Variants in LRBA observed in about 807,000 individuals in gnomAD.
LRBA encodes the protein LPS responsive beige-like anchor protein.
LRBA carries 176 observed loss-of-function variants against 330.0 expected under a neutral mutation model. That is an observed-to-expected ratio of 0.53 (90% CI 0.47 to 0.60). The LOEUF (loss-of-function observed/expected upper bound fraction) is 0.60. LRBA is among the 20% of genes least tolerant of loss of function. The pLI is 0.00. For missense variants in LRBA, 3,259 were observed against 3,444.8 expected (o/e 0.95, Z 1.35); for synonymous variants, 1,230 against 1,193.0 (o/e 1.03, Z -0.64).
rs189783354 is a variant in LRBA, at chr4:150,953,385, C to A, written c.217-24320G>T. Among the ~76,000 whole-genome samples the A allele has an allele frequency of 1.6e-3, 242 of 148,140 alleles. 1 individual carries two copies. The highest frequency in any genetic ancestry group is 5.7e-3 in the African/African-American group (226 of 39,766). On this transcript the variant is annotated intron_variant, in intron 2 of 56. Coordinates refer to ENST00000651943, the MANE Select transcript of LRBA (RefSeq NM_001364905.1). ...TCTCCCTCCCCCTCCCCCTCCCCCCCCTCTTTGCACGGTCTCCCTCTGATG... is the reference window on the plus strand; with the variant it reads ...TCTCCCTCCCCCTCCCCCTCCCCCCACTCTTTGCACGGTCTCCCTCTGATG...
At chr4:150,903,257 C>T (rs1480532628) in intron 13 of LRBA, among the ~76,000 whole-genome samples, 1 of 152,026 alleles carries the variant, frequency 6.6e-6, no homozygotes, top group Non-Finnish European at 1.5e-5. Flanking sequence ...TGGTGGCGCA[C>T]ACCTGCAGTA....
At chr4:150,662,413 C>T (rs1312109002) in intron 37 of LRBA, among the ~76,000 whole-genome samples, 1 of 152,166 alleles carries the variant, frequency 6.6e-6, no homozygotes. Context: ...CCAAAGCACA[C>T]CCTTGTTAGG....
At chr4:150,440,122 ATG>A (rs950577536) in intron 44 of LRBA, among the ~76,000 whole-genome samples, 7 of 152,292 alleles carry the variant, frequency 4.6e-5, no homozygotes, top group East Asian at 3.9e-4. Flanking sequence ...TTACTGTACA[ATG>A]TAACAAGCTT....
intron 28 of LRBA, among the ~76,000 whole-genome samples, chr4:150,835,982 C>T (rs1275583636): frequency 1.3e-5 from 2 of 152,106 alleles, no homozygotes; most frequent in Non-Finnish European, 2.9e-5. Context: ...CCCATCAATA[C>T]CTAATTTATA....
chr4:150,598,389 C>A (rs367754745), intron 38 of LRBA, among the ~76,000 whole-genome samples: 12 of 152,062 alleles, frequency 7.9e-5, no homozygotes, highest in Non-Finnish European at 1.5e-5. Flanking sequence ...TAAACTGAAT[C>A]ATAGTCATAT....
At chr4:150,410,071 CT>C (rs1299125147) in intron 47 of LRBA, among the ~76,000 whole-genome samples, 2 of 152,076 alleles carry the variant, frequency 1.3e-5, no homozygotes, top group African/African-American at 2.4e-5. Flanking sequence ...TTGAAAAAAG[CT>C]TCTGGCATTT....
At chr4:150,462,241 G>A (rs1458859746) in intron 44 of LRBA, among the ~76,000 whole-genome samples, 1 of 151,704 alleles carries the variant, frequency 6.6e-6, no homozygotes, top group African/African-American at 2.4e-5. Context: ...AAATAACTGG[G>A]AAAGTAGAGG....
intron 46 of LRBA, among the ~76,000 whole-genome samples, chr4:150,424,533 G>A (rs1749282710): frequency 6.6e-6 from 1 of 152,194 alleles, no homozygotes; most frequent in Non-Finnish European, 1.5e-5. Flanking sequence ...AACACCTACT[G>A]CGCCAACTCA....
intron 40 of LRBA, chr4:150,580,388 GA>G (rs1488902026): frequency 1.3e-5 from 2 of 152,108 alleles, no homozygotes; most frequent in Non-Finnish European, 2.9e-5. Context: ...AGGTATGTAA[GA>G]AAGAACCAAG....
chr4:150,366,834 G>A (rs889355986), intron 47 of LRBA, among the ~76,000 whole-genome samples: 1 of 152,152 alleles, frequency 6.6e-6, no homozygotes, highest in Non-Finnish European at 1.5e-5. Context: ...AGTAGAAAAA[G>A]GAAGCTTTCC....
intron 17 of LRBA, among the ~76,000 whole-genome samples, chr4:150,880,052 T>C (rs576666611): frequency 1.3e-5 from 2 of 152,210 alleles, no homozygotes; most frequent in South Asian, 4.1e-4. Flanking sequence ...CAGACACATG[T>C]GTCAATGGAA....
intron 44 of LRBA, among the ~76,000 whole-genome samples, chr4:150,451,497 T>C (rs1753339573): frequency 6.6e-6 from 1 of 152,138 alleles, no homozygotes; most frequent in African/African-American, 2.4e-5. Context: ...TTAGAAAACA[T>C]TTAAATGGGA....
At chr4:150,368,424 C>G (rs949741005) in intron 47 of LRBA, among the ~76,000 whole-genome samples, 4 of 152,236 alleles carry the variant, frequency 2.6e-5, no homozygotes, top group African/African-American at 9.6e-5. Context: ...TCACTCTGGA[C>G]AGCACATACA....
chr4:150,722,346 A>T (rs938299511), intron 36 of LRBA, among the ~76,000 whole-genome samples: 1 of 152,208 alleles, frequency 6.6e-6, no homozygotes, highest in African/African-American at 2.4e-5. Flanking sequence ...CAGCCAATTA[A>T]GAACTGAGTC....
At position 150,636,340 on chromosome 4, in the gene LRBA, C is replaced by T. The variant is rs536746175; in HGVS notation, c.5922-37209G>A. Among the ~76,000 whole-genome samples, 21 of 152,180 alleles carry T rather than the reference C, an allele frequency of 1.4e-4. No individual in the cohort carries two copies. In the South Asian group the frequency reaches 4.1e-3, roughly 30 times the overall value. On this transcript the variant is annotated intron_variant, in intron 37 of 56. Transcript: ENST00000651943. ...TCAACGGATTATAATTTATTGCTAT[C>T]TATTAGATAATATTATCTATTTTGA...
At chr4:150,740,998 T>C (rs1451633) in intron 35 of LRBA, among the ~76,000 whole-genome samples, 106,977 of 151,984 alleles carry the variant, frequency 0.7, 42,672 homozygotes, top group Non-Finnish European at 0.9. Context: ...CCTCAAACCA[T>C]ACAAACAAAC....
intron 40 of LRBA, among the ~76,000 whole-genome samples, chr4:150,508,252 G>GT (rs1561281025): frequency 1.8e-5 from 2 of 113,364 alleles, no homozygotes; most frequent in Non-Finnish European, 3.7e-5. Flanking sequence ...GGGGGGGGGG[G>GT]GAGAAAAAGA....
rs150003671 is a variant in LRBA, at chr4:150,721,040, C to T, written c.5754+14218G>A. On this transcript the variant is annotated intron_variant, in intron 36 of 56. Transcript: ENST00000651943. ...ATTTGACTGAGGAACAGAAGGCGAT[C>T]AAGGCCAACTATCCTCCAGTTAATA... 154 of 555,124 alleles carry T rather than the reference C, an allele frequency of 2.8e-4. 1 individual carries two copies. In the East Asian group the frequency reaches 6.8e-3, roughly 25 times the overall value. 34.4% of individuals were successfully genotyped at this position (555,124 alleles called of 1,614,324 possible).
At chr4:150,670,582 T>C (rs573395974) in intron 37 of LRBA, among the ~76,000 whole-genome samples, 1 of 152,338 alleles carries the variant, frequency 6.6e-6, no homozygotes, top group South Asian at 2.1e-4. Flanking sequence ...GAAACTAAGA[T>C]TTGGGAACTA....
Sources: gnomAD v4.1 joint callset for allele counts (sites outside exome capture counted in the v4.1 genomes callset) on GRCh38, gnomAD v4.1.1 for gene constraint, MANE v1.5 for transcripts, NCBI Gene and HGNC (gene_info 2026-07-23, HGNC 2026-07-21) for gene names.